Variants in POLD2 observed in about 807,000 individuals in gnomAD.
POLD2 encodes DNA polymerase delta subunit 2.
A neutral mutation model predicts 48.8 loss-of-function variants in POLD2; 31 were observed. The observed-to-expected ratio is 0.64, with a 90% confidence interval of 0.48 to 0.86. The LOEUF (loss-of-function observed/expected upper bound fraction) is 0.86. POLD2 is among the 40% of genes least tolerant of loss of function. The probability of loss-of-function intolerance (pLI) is 0.00; values close to 1 mark genes in which losing one functional copy is unlikely to be tolerated. For missense variants in POLD2, 455 were observed against 610.1 expected, an observed-to-expected ratio of 0.75 and a Z score of 2.68; for synonymous variants, 233 against 256.3, an observed-to-expected ratio of 0.91 and a Z score of 0.87.
intron 5 of POLD2, 31 bp downstream of exon 5, chr7:44,117,102 C>G (rs750284481): frequency 1.9e-6 from 3 of 1,611,044 alleles, no homozygotes; most frequent in Non-Finnish European, 2.5e-6. Context: ...TGACCATGAG[C>G]TGGTTCCAGC....
rs558704060 is a variant in POLD2 at position 44,114,861 on chromosome 7, A to G, written c.1334T>C (p.Leu445Pro). The G allele has an allele frequency of 6.8e-6, 11 of 1,613,918 alleles. No individual in the cohort carries two copies. Among genetic ancestry groups the G allele is most frequent in the South Asian group, 5.5e-5 (5 of 91,054 alleles). ...CGAGAAGCTGATGGGCTGGCAGGCC[A>G]GGCTGCGCAGGTTCACAAGGCAGGC... ...QTACLVNLRS[L>P]ACQPISFSGF... The change falls in exon 11 of 11, where the codon CTG becomes CCG. Residue 445 changes from leucine (L) to proline (P), a missense_variant. By Grantham distance (98) the Leu-to-Pro change is moderately conservative (BLOSUM62 -3). Around this residue, in one of 3 missense-constraint regions of POLD2, gnomAD observed 98 missense variants for 138.6 expected, o/e 0.71. Coordinates refer to ENST00000610533, the MANE Select transcript of POLD2 (RefSeq NM_006230.4).
intron 8 of POLD2, 95 bp from the exon 9 acceptor site, chr7:44,115,988 G>A: frequency 1.9e-6 from 3 of 1,599,984 alleles, no homozygotes; most frequent in Non-Finnish European, 2.6e-6. Flanking sequence ...ATGCCCCAGA[G>A]AGAAGGAACA....
At chr7:44,120,174 G>A (rs2096246307) in intron 2 of POLD2, among the ~76,000 whole-genome samples, 1 of 152,216 alleles carries the variant, frequency 6.6e-6, no homozygotes, top group Non-Finnish European at 1.5e-5. Context: ...GAGTGCTACT[G>A]CTGCCCCGCT....
In POLD2 at chr7:44,116,670, A is replaced by G; in HGVS notation, c.780+147T>C. 1.0e-6 allele frequency: 1 copy of G among 998,980 alleles called. No homozygotes were observed. The highest frequency in any genetic ancestry group is 1.5e-6 in the Non-Finnish European group (1 of 668,950). The allele number at this position is 998,980 out of a possible 1,614,324, so 61.9% of individuals were successfully genotyped here. On this transcript the variant is annotated intron_variant, in intron 6 of 10. Transcript: ENST00000610533. The surrounding 1 kb of genome is among the most constrained non-coding windows in gnomAD (Gnocchi z 6.1). ...CGAGGGCCTGGGCATGAGGAGCCCC[A>G]TTGCAGGAGGCCCCAGAGTCACTGC...
intron 1 of POLD2, 73 bp downstream of exon 1, chr7:44,123,438 C>T: frequency 1.3e-6 from 2 of 1,487,856 alleles, no homozygotes; most frequent in Non-Finnish European, 1.8e-6. Flanking sequence ...ACCAGCCCAC[C>T]GACCCAGGAG....
At chr7:44,118,535 G>C (rs2096243892) in intron 2 of POLD2, among the ~76,000 whole-genome samples, 1 of 152,196 alleles carries the variant, frequency 6.6e-6, no homozygotes, top group African/African-American at 2.4e-5. Flanking sequence ...TTTGTTTTGA[G>C]GCGGAGTCTC....
chr7:44,119,414 C>T (rs774535265), intron 2 of POLD2, among the ~76,000 whole-genome samples: 1 of 152,112 alleles, frequency 6.6e-6, no homozygotes. Flanking sequence ...CTCAAATCTA[C>T]GCCCTAGGGA....
Position 44,117,989 on chromosome 7 carries a change from T to C in POLD2, c.296A>G (p.Lys99Arg). 1 of 1,614,200 alleles carries C rather than the reference T, an allele frequency of 6.2e-7. No individual in the cohort carries two copies. Among genetic ancestry groups the C allele is most frequent in the Non-Finnish European group, 8.5e-7 (1 of 1,180,026 alleles). ...GATGGAGGGCTGCAGCGGCATGGCC[T>C]TGAACAGAGTGCCCACCACACAGCA... ...EKCCVVGTLF[K>R]AMPLQPSILR... The change falls in exon 3 of 11, where the codon AAG becomes AGG. Residue 99 changes from lysine to arginine, a missense_variant. By Grantham distance (26) the Lys-to-Arg change is conservative. This residue lies in a region of POLD2 where 349 missense variants were observed against 437.4 expected (regional missense o/e 0.80). Coordinates refer to ENST00000610533, the MANE Select transcript of POLD2 (RefSeq NM_006230.4).
At chr7:44,123,776 G>T (rs1331670998), upstream of POLD2, 2 of 1,228,664 alleles carry the variant, frequency 1.6e-6, no homozygotes, top group Non-Finnish European at 2.1e-6. Context: ...TTTGGTTGGC[G>T]GCCGCGCGTG....
In POLD2 at chr7:44,121,551, A is replaced by C. The variant is rs990896057; in HGVS notation, c.220+283T>G. On this transcript the variant is annotated intron_variant, in intron 2 of 10. Transcript: ENST00000610533. This position sits in a 1 kb window ranked among gnomAD's most constrained non-coding sequence, Gnocchi z 4.5. ...CAAATACCTGAATAATCTGCACTGA[A>C]GATAGGAAAACCATTTTCCTCTGCC... is the stretch of plus-strand genomic sequence containing the variant. Among the ~76,000 whole-genome samples, 4 of 152,238 alleles carry C rather than the reference A, an allele frequency of 2.6e-5. No homozygotes were observed. Among genetic ancestry groups the C allele is most frequent in the African/African-American group, 7.2e-5 (3 of 41,456 alleles).
chr7:44,120,302 A>C (rs2096246516), intron 2 of POLD2, among the ~76,000 whole-genome samples: 2 of 152,190 alleles, frequency 1.3e-5, no homozygotes, highest in African/African-American at 4.8e-5. Flanking sequence ...ACTGGAAGAG[A>C]AATGTGCGAC....
intron 8 of POLD2, 76 bp from the exon 9 acceptor site, chr7:44,115,969 C>G: frequency 6.2e-7 from 1 of 1,606,904 alleles, no homozygotes; most frequent in South Asian, 1.1e-5. Flanking sequence ...ATCTGGCGCT[C>G]TTGTGGGGAT....
chr7:44,116,321 C>CG lies in POLD2; in HGVS notation c.862-50_862-49insC. 6.3e-7 allele frequency: 1 copy of CG among 1,597,864 alleles called. No homozygotes were observed. The highest frequency in any genetic ancestry group is 1.1e-5 in the South Asian group (1 of 88,472). On this transcript the variant is annotated intron_variant, in intron 7 of 10. Transcript: ENST00000610533. The surrounding 1 kb of genome is among the most constrained non-coding windows in gnomAD (Gnocchi z 6.1). ...GCTCACAGGGCCCCGAAGGAGCCCC[C>CG]TACACCAACTCCGGCCACTCCCCCT...
At chr7:44,118,701 A>G (rs1432372679) in intron 2 of POLD2, among the ~76,000 whole-genome samples, 1 of 147,358 alleles carries the variant, frequency 6.8e-6, no homozygotes, top group African/African-American at 2.5e-5. Context: ...TTGTATTTTT[A>G]GTAGAGACAG....
chr7:44,123,893 G>C (rs1254905620), upstream of POLD2, among the ~76,000 whole-genome samples: 2 of 152,250 alleles, frequency 1.3e-5, no homozygotes, highest in Non-Finnish European at 2.9e-5. Context: ...AGACCTCCCA[G>C]TGGTCGGCCG....
At chr7:44,122,647 G>C (rs1356435568) in intron 1 of POLD2, among the ~76,000 whole-genome samples, 1 of 152,110 alleles carries the variant, frequency 6.6e-6, no homozygotes, top group African/African-American at 2.4e-5. Flanking sequence ...CTGCCTATGA[G>C]ATCTGCTCCA....
At chr7:44,122,147 A>G (rs773055476) in intron 1 of POLD2, 38 bp from the exon 2 acceptor site, 3 of 1,515,284 alleles carry the variant, frequency 2.0e-6, no homozygotes, top group Admixed American at 2.1e-5. Flanking sequence ...GCCCCTGTCC[A>G]TCCCCCAAAG....
chr7:44,116,508 G>T lies in POLD2; in HGVS notation c.783C>A (p.Ala261=), dbSNP rs746686224. The change falls in exon 7 of 11, where the codon GCC becomes GCA. Residue 261 remains alanine, a splice_region_variant and synonymous_variant. Transcript: ENST00000610533. This position sits in a 1 kb window ranked among gnomAD's most constrained non-coding sequence, Gnocchi z 6.1. ...STQSRDSINK[A]KYLTKKTQAA... ...CCTGGGTTTTCTTGGTGAGGTATTTGGCCTGGAATAGAAGCCCAGAAGGCC... is the reference window on the plus strand; with the variant it reads ...CCTGGGTTTTCTTGGTGAGGTATTTTGCCTGGAATAGAAGCCCAGAAGGCC... The T allele has an allele frequency of 3.2e-6, 5 of 1,572,490 alleles. No homozygotes were observed. In the South Asian group the frequency reaches 3.5e-5, roughly 11 times the overall value.
At chr7:44,119,630 C>T (rs1182510009) in intron 2 of POLD2, among the ~76,000 whole-genome samples, 1 of 152,220 alleles carries the variant, frequency 6.6e-6, no homozygotes, top group Admixed American at 6.5e-5. Context: ...AGCAATGTGT[C>T]CAAGGGCACA....
Sources: gnomAD v4.1 joint callset for allele counts (sites outside exome capture counted in the v4.1 genomes callset) on GRCh38, gnomAD v4.1.1 for gene constraint, gnomAD v4.1.1 regional missense constraint, Gnocchi (gnomAD v3.1) non-coding constraint, MANE v1.5 for transcripts, NCBI Gene and HGNC (gene_info 2026-07-23, HGNC 2026-07-21) for gene names.